CSMD3: variants seen among roughly 807,000 people sequenced by gnomAD.
CSMD3 encodes CUB and Sushi multiple domains 3.
Under a neutral mutation model 435.2 loss-of-function variants are expected in CSMD3, and 177 were observed. The ratio of observed to expected loss-of-function variants is 0.41; its 90% CI spans 0.36 to 0.46. The LOEUF (loss-of-function observed/expected upper bound fraction) is 0.46, where lower values mean the gene tolerates loss of function less well. Ranked by LOEUF, CSMD3 falls within the 20% of genes least tolerant of loss-of-function variation. The pLI is 0.34. For missense variants in CSMD3, 4,265 were observed against 4,504.6 expected, an observed-to-expected ratio of 0.95 and a Z score of 1.52; for synonymous variants, 1,656 against 1,520.5, an observed-to-expected ratio of 1.09 and a Z score of -2.07.
intron 2 of CSMD3, among the ~76,000 whole-genome samples, chr8:113,300,499 G>C (rs1291088276): frequency 6.6e-6 from 1 of 152,134 alleles, no homozygotes; most frequent in African/African-American, 2.4e-5. Context: ...CTGAAGTACT[G>C]TGCAGCCATA....
chr8:112,931,155 AT>A (rs371817006), intron 9 of CSMD3, among the ~76,000 whole-genome samples: 2,697 of 151,910 alleles, frequency 0.018, 57 homozygotes, highest in African/African-American at 0.051. Context: ...ATACTTCATC[AT>A]TTTTTTTATG....
intron 45 of CSMD3, among the ~76,000 whole-genome samples, chr8:112,329,730 C>A (rs1223381120): frequency 6.6e-6 from 1 of 152,054 alleles, no homozygotes; most frequent in Non-Finnish European, 1.5e-5. Context: ...AAATACCATA[C>A]CTTATCAACT....
intron 4 of CSMD3, among the ~76,000 whole-genome samples, chr8:113,103,402 C>G (rs1274197788): frequency 2.0e-5 from 3 of 151,984 alleles, no homozygotes; most frequent in East Asian, 1.9e-4. Context: ...TTACATAGCC[C>G]AGATGTTAGC....
chr8:113,206,171 G>A (rs79141689), intron 3 of CSMD3, among the ~76,000 whole-genome samples: 48 of 152,006 alleles, frequency 3.2e-4, no homozygotes, highest in Admixed American at 5.2e-4. Flanking sequence ...CCCCAAGAAC[G>A]AGACTACAAA....
chr8:112,336,571 A>G (rs1824580097), intron 44 of CSMD3, 81 bp downstream of exon 44: 4 of 1,063,110 alleles, frequency 3.8e-6, no homozygotes, highest in Non-Finnish European at 5.8e-6. Flanking sequence ...TTTGTAACAG[A>G]GGATTGTGAT....
intron 13 of CSMD3, among the ~76,000 whole-genome samples, chr8:112,708,053 A>C (rs560557785): frequency 6.6e-6 from 1 of 152,264 alleles, no homozygotes; most frequent in Non-Finnish European, 1.5e-5. Context: ...AGGCAATGTG[A>C]CACAAATGAT....
intron 10 of CSMD3, among the ~76,000 whole-genome samples, chr8:112,906,941 A>T (rs2082279842): frequency 6.6e-6 from 1 of 151,616 alleles, no homozygotes; most frequent in Non-Finnish European, 1.5e-5. Flanking sequence ...CTGAATTATA[A>T]CGAAGTATGT....
At chr8:112,538,665 G>A (rs1054016669) in intron 27 of CSMD3, among the ~76,000 whole-genome samples, 1 of 151,986 alleles carries the variant, frequency 6.6e-6, no homozygotes, top group African/African-American at 2.4e-5. Context: ...TCTCTACAAT[G>A]AAATTTATAA....
intron 1 of CSMD3, among the ~76,000 whole-genome samples, chr8:113,410,997 A>C (rs1349838939): frequency 6.6e-6 from 1 of 151,768 alleles, no homozygotes; most frequent in African/African-American, 2.4e-5. Context: ...GAAAAGAAAG[A>C]AAGAAAGAAA....
Position 112,512,596 on chromosome 8 carries a change from T to C in CSMD3, c.4756+4438A>G, listed in dbSNP as rs891118160. On this transcript the variant is annotated intron_variant, in intron 28 of 70. Coordinates refer to ENST00000297405, the MANE Select transcript of CSMD3 (RefSeq NM_198123.2). ...GTTATCCAAGCTTAATTGTTCCATT[T>C]ATAGATCACAGGTATAATTCTTAAC... Among the ~76,000 whole-genome samples the C allele has an allele frequency of 3.3e-5, 5 of 152,182 alleles. No homozygotes were observed. In the East Asian group the frequency reaches 9.6e-4, roughly 29 times the overall value.
intron 6 of CSMD3, among the ~76,000 whole-genome samples, chr8:112,999,339 A>G (rs1369485748): frequency 6.6e-6 from 1 of 151,974 alleles, no homozygotes; most frequent in African/African-American, 2.4e-5. Flanking sequence ...AATTTAGGAA[A>G]TTTTCTAGAC....
chr8:112,550,980 T>TA (rs2131191784), intron 26 of CSMD3, 107 bp from the exon 27 acceptor site: 11 of 771,058 alleles, frequency 1.4e-5, no homozygotes, highest in Non-Finnish European at 2.5e-5. Context: ...TCTTTTTTGC[T>TA]ATGTGTTAAA....
At position 112,291,691 on chromosome 8, in the gene CSMD3, G is replaced by T. The variant is rs2130679324; in HGVS notation, c.8793C>A (p.Val2931=). The change falls in exon 56 of 71, where the codon GTC becomes GTA. Residue 2931 remains valine, a synonymous_variant. Coordinates refer to ENST00000297405, the MANE Select transcript of CSMD3 (RefSeq NM_198123.2). ...CTGGAATTCCAGGATCAGAACAGTT[G>T]ACCACTAAACAAATGACAAATTTTG... ...WSHPPPMCKV[V]NCSDPGIPAN... 1 of 1,609,562 alleles carries T rather than the reference G, an allele frequency of 6.2e-7. No individual in the cohort carries two copies. Among genetic ancestry groups the T allele is most frequent in the South Asian group, 1.1e-5 (1 of 90,974 alleles).
chr8:112,733,222 T>C (rs2077113459), intron 13 of CSMD3, among the ~76,000 whole-genome samples: 1 of 152,064 alleles, frequency 6.6e-6, no homozygotes, highest in South Asian at 2.1e-4. Flanking sequence ...TTCAACAAAA[T>C]TGTAAAATGA....
intron 23 of CSMD3, among the ~76,000 whole-genome samples, chr8:112,574,048 A>G (rs574092236): frequency 6.6e-6 from 1 of 152,096 alleles, no homozygotes; most frequent in South Asian, 2.1e-4. Flanking sequence ...TACTTTTCCA[A>G]CAACATGACT....
chr8:113,310,063 G>A (rs2093855577), intron 2 of CSMD3: 1 of 152,116 alleles, frequency 6.6e-6, no homozygotes, highest in Non-Finnish European at 1.5e-5. Context: ...CAAAGTGATA[G>A]GCCATATCAA....
At chr8:113,188,581 C>G (rs966565455) in intron 3 of CSMD3, among the ~76,000 whole-genome samples, 21 of 152,026 alleles carry the variant, frequency 1.4e-4, no homozygotes, top group African/African-American at 5.1e-4. Context: ...TTTTGCCCTT[C>G]TAGAGTAATG....
At chr8:112,390,925 C>T (rs1830359888) in intron 35 of CSMD3, 137 bp from the exon 36 acceptor site, 3 of 835,320 alleles carry the variant, frequency 3.6e-6, no homozygotes, top group Non-Finnish European at 5.9e-6. Flanking sequence ...CTGATAAAAG[C>T]AATGAAAATG....
Position 112,392,867 on chromosome 8 carries a change from T to TTC in CSMD3, c.5810-2080_5810-2079insGA, listed in dbSNP as rs1554665801. ...TCACAGATAGTTTCTTTTTTTTCTT[T>TTC]TTTTTTTTTTTTTTTTGAAACAAGC... On this transcript the variant is annotated intron_variant, in intron 35 of 70. Transcript: ENST00000297405. Among the ~76,000 whole-genome samples the TTC allele has an allele frequency of 1.4e-4, 20 of 139,666 alleles. No individual in the cohort carries two copies. In the South Asian group the frequency reaches 2.1e-3, roughly 15 times the overall value. 91.6% of individuals were successfully genotyped at this position (139,666 alleles called of 152,430 possible).
Sources: gnomAD v4.1 joint callset for allele counts (sites outside exome capture counted in the v4.1 genomes callset) on GRCh38, gnomAD v4.1.1 for gene constraint, MANE v1.5 for transcripts, NCBI Gene and HGNC (gene_info 2026-07-23, HGNC 2026-07-21) for gene names.